The following PPM1L variants were observed in gnomAD, a reference collection of about 807,000 sequenced individuals.
PPM1L encodes the protein protein phosphatase 1L.
Under a neutral mutation model 31.4 loss-of-function variants are expected in PPM1L, and 13 were observed. That is an observed-to-expected ratio of 0.41 (90% CI 0.27 to 0.66). The LOEUF (loss-of-function observed/expected upper bound fraction) is 0.66, where lower values mean the gene tolerates loss of function less well. Ranked by LOEUF, PPM1L falls within the 30% of genes least tolerant of loss-of-function variation. The pLI is 0.29. For synonymous variants in PPM1L, 184 were observed against 175.4 expected (o/e 1.05, Z -0.39); for missense variants, 326 against 453.7 (o/e 0.72, Z 2.56).
rs114059868 is a variant in PPM1L, at chr3:160,846,314, T to A, written c.399+89607T>A. ...CACCTCATTAACAGAATATAAATTT[T>A]CCATGTGGTTTTGTTGCCTCTTTGC... On this transcript the variant is annotated intron_variant, in intron 1 of 3. Coordinates refer to ENST00000498165, the MANE Select transcript of PPM1L (RefSeq NM_139245.4). Among the ~76,000 whole-genome samples the A allele has an allele frequency of 3.7e-3, 567 of 152,220 alleles. 4 individuals carry two copies. Among genetic ancestry groups the A allele is most frequent in the African/African-American group, 0.013 (531 of 41,572 alleles).
Position 160,976,468 on chromosome 3 carries a change from C to A in PPM1L, c.574+14558C>A, listed in dbSNP as rs530725669. Among the ~76,000 whole-genome samples, 6 of 148,334 alleles carry A rather than the reference C, an allele frequency of 4.0e-5. No homozygotes were observed. The South Asian group carries it at 1.1e-3, about 27-fold the overall frequency. ...GGAATGGTACCAGTTCCTCCTTGTACCTCTGGTAGAATTCGGCTGTGAATC... is the reference window on the plus strand; with the variant it reads ...GGAATGGTACCAGTTCCTCCTTGTAACTCTGGTAGAATTCGGCTGTGAATC... On this transcript the variant is annotated intron_variant, in intron 2 of 3. Coordinates refer to ENST00000498165, the MANE Select transcript of PPM1L (RefSeq NM_139245.4).
At chr3:160,808,026 G>A (rs771281752) in intron 1 of PPM1L, among the ~76,000 whole-genome samples, 3 of 151,946 alleles carry the variant, frequency 2.0e-5, no homozygotes, top group Non-Finnish European at 4.4e-5. Context: ...AAACTTCTTT[G>A]GATTTATTTT....
At chr3:161,038,158 C>CG (rs1210276052) in intron 2 of PPM1L, among the ~76,000 whole-genome samples, 1 of 142,666 alleles carries the variant, frequency 7.0e-6, no homozygotes, top group Non-Finnish European at 1.5e-5. Context: ...GGCGTGAACC[C>CG]GGGAGGCGGA....
At chr3:160,770,603 T>C (rs1195987901) in intron 1 of PPM1L, among the ~76,000 whole-genome samples, 1 of 152,212 alleles carries the variant, frequency 6.6e-6, no homozygotes, top group Admixed American at 6.5e-5. Flanking sequence ...TGGAGAAAAG[T>C]ATCATCACTA....
intron 2 of PPM1L, among the ~76,000 whole-genome samples, chr3:161,003,866 C>A (rs924682137): frequency 2.7e-3 from 414 of 151,036 alleles, no homozygotes; most frequent in Non-Finnish European, 2.4e-3. Context: ...GCCAGAACTT[C>A]CAACACTATG....
intron 1 of PPM1L, among the ~76,000 whole-genome samples, chr3:160,892,567 A>G (rs547336504): frequency 6.7e-4 from 102 of 152,328 alleles, no homozygotes; most frequent in Non-Finnish European, 1.2e-3. Context: ...TAACTTTGAT[A>G]TGAATAATTT....
chr3:160,926,253 A>G (rs1260196656), intron 1 of PPM1L, among the ~76,000 whole-genome samples: 5 of 152,190 alleles, frequency 3.3e-5, no homozygotes, highest in Admixed American at 6.5e-5. Flanking sequence ...CCTCTCTTAA[A>G]GATTTCTGAG....
chr3:160,839,718 G>A (rs1713813808), intron 1 of PPM1L, among the ~76,000 whole-genome samples: 1 of 152,114 alleles, frequency 6.6e-6, no homozygotes. Flanking sequence ...TTAAACAGCA[G>A]TCTTGTGACT....
intron 2 of PPM1L, among the ~76,000 whole-genome samples, chr3:161,046,861 C>T (rs1234374461): frequency 2.6e-5 from 4 of 152,148 alleles, no homozygotes; most frequent in African/African-American, 9.7e-5. Flanking sequence ...TCAATGGATG[C>T]AGAAAAGGCC....
intron 3 of PPM1L, among the ~76,000 whole-genome samples, chr3:161,068,234 A>G (rs1719799201): frequency 6.6e-6 from 1 of 152,198 alleles, no homozygotes; most frequent in Admixed American, 6.5e-5. Context: ...AGGATCAGAG[A>G]AAGAGTTTCT....
intron 1 of PPM1L, among the ~76,000 whole-genome samples, chr3:160,955,920 C>T (rs924815934): frequency 6.6e-6 from 1 of 152,136 alleles, no homozygotes; most frequent in Admixed American, 6.5e-5. Flanking sequence ...TCCCAAAGTG[C>T]TGGGATTACA....
intron 2 of PPM1L, among the ~76,000 whole-genome samples, chr3:161,002,482 C>T (rs1316893310): frequency 6.6e-6 from 1 of 151,978 alleles, no homozygotes; most frequent in Non-Finnish European, 1.5e-5. Flanking sequence ...TATTTCTCCA[C>T]ATCCTCTCCA....
intron 2 of PPM1L, among the ~76,000 whole-genome samples, chr3:160,972,572 G>A (rs530116768): frequency 3.3e-5 from 5 of 152,244 alleles, no homozygotes; most frequent in East Asian, 1.9e-4. Context: ...GTGTATATGT[G>A]CCACATTTTC....
At chr3:161,063,960 G>A (rs1333792795) in intron 2 of PPM1L, among the ~76,000 whole-genome samples, 4 of 152,092 alleles carry the variant, frequency 2.6e-5, no homozygotes, top group Non-Finnish European at 5.9e-5. Flanking sequence ...GTAAGTGGGA[G>A]TTGAACAATG....
At chr3:160,958,824 C>T (rs944781484) in intron 1 of PPM1L, among the ~76,000 whole-genome samples, 2 of 152,174 alleles carry the variant, frequency 1.3e-5, no homozygotes, top group Non-Finnish European at 2.9e-5. Context: ...TTTTCACCAC[C>T]ACTTCCCAGT....
chr3:160,850,563 G>T (rs1711502385), intron 1 of PPM1L, among the ~76,000 whole-genome samples: 1 of 152,132 alleles, frequency 6.6e-6, no homozygotes, highest in South Asian at 2.1e-4. Flanking sequence ...TCACATGGCT[G>T]GTCCCTCTGG....
chr3:160,922,222 A>G (rs1260736326), intron 1 of PPM1L, among the ~76,000 whole-genome samples: 1 of 152,122 alleles, frequency 6.6e-6, no homozygotes, highest in Non-Finnish European at 1.5e-5. Context: ...AGGCAGGAGA[A>G]TGGCGTGAAC....
intron 2 of PPM1L, among the ~76,000 whole-genome samples, chr3:161,017,647 G>A (rs777127036): frequency 6.6e-6 from 1 of 152,120 alleles, no homozygotes; most frequent in Admixed American, 6.6e-5. Flanking sequence ...CAAAGAAAGA[G>A]AGCAGTTAGC....
chr3:161,027,367 T>C (rs1457313157), intron 2 of PPM1L, among the ~76,000 whole-genome samples: 1 of 152,168 alleles, frequency 6.6e-6, no homozygotes, highest in Non-Finnish European at 1.5e-5. Context: ...GATAAAGACA[T>C]ACCTGACACT....
Sources: gnomAD v4.1 joint callset for allele counts (sites outside exome capture counted in the v4.1 genomes callset) on GRCh38, gnomAD v4.1.1 for gene constraint, MANE v1.5 for transcripts, NCBI Gene and HGNC (gene_info 2026-07-23, HGNC 2026-07-21) for gene names.